Variants in CEP128 observed in about 807,000 individuals in gnomAD.
The protein encoded by CEP128 is centrosomal protein 128, also known as centrosomal protein 128kDa.
CEP128 carries 132 observed loss-of-function variants against 156.7 expected under a neutral mutation model. The ratio of observed to expected loss-of-function variants is 0.84; its 90% CI spans 0.73 to 0.97. The LOEUF (loss-of-function observed/expected upper bound fraction) is 0.97. Among genes scored for constraint, CEP128 ranks in the 50% least tolerant of loss-of-function variants. The probability of loss-of-function intolerance (pLI) is 0.00; values close to 1 mark genes in which losing one functional copy is unlikely to be tolerated. For missense variants in CEP128, 1,252 were observed against 1,281.9 expected (o/e 0.98, Z 0.36); for synonymous variants, 469 against 448.9 (o/e 1.04, Z -0.57).
intron 13 of CEP128, among the ~76,000 whole-genome samples, chr14:80,815,064 G>T (rs1042031353): frequency 2.0e-5 from 3 of 151,148 alleles, no homozygotes; most frequent in African/African-American, 2.4e-5. Flanking sequence ...TCTCAAAAAG[G>T]CAAAAAGAAA....
intron 23 of CEP128, among the ~76,000 whole-genome samples, chr14:80,517,249 C>G (rs1888531656): frequency 6.6e-6 from 1 of 151,526 alleles, no homozygotes; most frequent in South Asian, 2.1e-4. Context: ...TTACTATATC[C>G]TTGCTTTGAC....
At chr14:80,799,721 C>G (rs1883722935) in intron 13 of CEP128, among the ~76,000 whole-genome samples, 1 of 152,158 alleles carries the variant, frequency 6.6e-6, no homozygotes, top group East Asian at 1.9e-4. Context: ...GAGATATGCC[C>G]TGGTCTCCTG....
rs1448201476 is a variant in CEP128, at chr14:80,626,458, G to A, written c.2807-46035C>T. On this transcript the variant is annotated intron_variant, in intron 19 of 24. Transcript: ENST00000555265. The stretch of plus-strand genomic sequence containing the variant: ...CACAGTCCGGCCTGGGCGACAGAGC[G>A]AGACTCCGTCTCAAAAAAAAAAAAA... 6.4e-5 allele frequency among the ~76,000 whole-genome samples: 7 copies of A among 109,346 alleles called. No homozygotes were observed. The South Asian group carries it at 1.6e-3, about 26-fold the overall frequency. The allele number at this position is 109,346 out of a possible 152,430, so 71.7% of individuals were successfully genotyped here.
chr14:80,733,540 G>A (rs1463030271), intron 19 of CEP128, among the ~76,000 whole-genome samples: 2 of 152,070 alleles, frequency 1.3e-5, no homozygotes, highest in Non-Finnish European at 2.9e-5. Context: ...AGTGGACAAG[G>A]AAATGGGAGA....
chr14:80,958,616 CAAGA>C (rs1390344832), intron 1 of CEP128, among the ~76,000 whole-genome samples: 2 of 152,076 alleles, frequency 1.3e-5, no homozygotes, highest in Non-Finnish European at 2.9e-5. Context: ...GCAAGGAGGA[CAAGA>C]AAGACTAAGT....
chr14:80,788,858 G>A (rs928221554), intron 14 of CEP128, among the ~76,000 whole-genome samples: 2 of 152,072 alleles, frequency 1.3e-5, no homozygotes, highest in Non-Finnish European at 2.9e-5. Context: ...AATCCGAAAT[G>A]GCTTAACCCA....
intron 19 of CEP128, among the ~76,000 whole-genome samples, chr14:80,729,057 GGGTGTGTGTGTGT>G (rs552217960): frequency 2.9e-4 from 30 of 102,168 alleles, no homozygotes; most frequent in Non-Finnish European, 3.8e-4. Flanking sequence ...GGGCTGGTGG[GGGTGTGTGTGTGT>G]GTGTGTGTGT....
At chr14:80,882,647 CA>C (rs1220110965) in intron 8 of CEP128, among the ~76,000 whole-genome samples, 1 of 152,022 alleles carries the variant, frequency 6.6e-6, no homozygotes, top group Admixed American at 6.6e-5. Context: ...TCACAATAGC[CA>C]AAATTTGGAA....
At chr14:80,804,402 A>C (rs1374607426) in intron 13 of CEP128, among the ~76,000 whole-genome samples, 2 of 152,156 alleles carry the variant, frequency 1.3e-5, no homozygotes, top group Non-Finnish European at 2.9e-5. Flanking sequence ...CATTCTCTCC[A>C]AGGGAAATGC....
At chr14:80,881,975 A>G (rs1371872819) in intron 8 of CEP128, among the ~76,000 whole-genome samples, 1 of 152,202 alleles carries the variant, frequency 6.6e-6, no homozygotes, top group East Asian at 1.9e-4. Flanking sequence ...GCCCACTTTC[A>G]CCACCGTTAC....
chr14:80,925,667 T>C (rs1011222301), intron 2 of CEP128, among the ~76,000 whole-genome samples: 5 of 151,956 alleles, frequency 3.3e-5, no homozygotes, highest in Admixed American at 3.3e-4. Flanking sequence ...ATAAACAAAA[T>C]AGTGTGTAGA....
intron 15 of CEP128, among the ~76,000 whole-genome samples, chr14:80,782,365 C>G (rs1039522710): frequency 6.6e-5 from 10 of 152,214 alleles, no homozygotes; most frequent in African/African-American, 2.4e-4. Context: ...CTGACCAAAT[C>G]AGCAACCTCT....
chr14:80,704,713 T>A, intron 19 of CEP128, among the ~76,000 whole-genome samples: 2 of 123,316 alleles, frequency 1.6e-5, no homozygotes, highest in South Asian at 5.2e-4. Context: ...GATACTGATG[T>A]CAAAATTTAG....
chr14:80,938,716 GAATTT>G (rs1326918858), intron 2 of CEP128, among the ~76,000 whole-genome samples: 1 of 151,920 alleles, frequency 6.6e-6, no homozygotes, highest in Non-Finnish European at 1.5e-5. Flanking sequence ...AATTCATGTT[GAATTT>G]ATTTATGGAA....
At chr14:80,625,003 C>T (rs1329389541) in intron 19 of CEP128, among the ~76,000 whole-genome samples, 1 of 152,142 alleles carries the variant, frequency 6.6e-6, no homozygotes, top group Admixed American at 6.5e-5. Context: ...AGACCAAACT[C>T]CTGAAGTATA....
At chr14:80,482,320 C>T (rs1887070851) in intron 14 of CEP128, among the ~76,000 whole-genome samples, 1 of 152,218 alleles carries the variant, frequency 6.6e-6, no homozygotes, top group Admixed American at 6.5e-5. Flanking sequence ...TCAGCTACTA[C>T]TGATGTACTG....
At chr14:80,501,484 C>G (rs1024421899) in intron 24 of CEP128, among the ~76,000 whole-genome samples, 1 of 151,828 alleles carries the variant, frequency 6.6e-6, no homozygotes, top group Admixed American at 6.6e-5. Context: ...TATTTACCTC[C>G]TTTTCTTTCT....
intron 21 of CEP128, among the ~76,000 whole-genome samples, chr14:80,552,115 G>A (rs1195584127): frequency 1.3e-5 from 2 of 152,036 alleles, no homozygotes; most frequent in Admixed American, 6.6e-5. Context: ...ATCATTTTAG[G>A]AGAAAGTGTA....
At chr14:80,853,226 A>T (rs1489107932) in intron 9 of CEP128, among the ~76,000 whole-genome samples, 2 of 151,918 alleles carry the variant, frequency 1.3e-5, no homozygotes, top group African/African-American at 4.8e-5. Context: ...GAATCATACA[A>T]ATATAGAAGT....
Sources: allele counts gnomAD v4.1 joint callset (sites outside exome capture counted in the v4.1 genomes callset), GRCh38; gene constraint gnomAD v4.1.1; transcripts MANE v1.5; gene names NCBI Gene and HGNC (gene_info 2026-07-23, HGNC 2026-07-21).